Variants in CCDC9 observed in about 807,000 individuals in gnomAD.
CCDC9 encodes coiled-coil domain-containing protein 9.
CCDC9 carries 52 observed loss-of-function variants against 65.6 expected under a neutral mutation model. The observed-to-expected ratio is 0.79, with a 90% CI of 0.63 to 1.00. CCDC9 has a LOEUF of 1.00. CCDC9 is among the 50% of genes least tolerant of loss of function. The pLI is 0.00. For missense variants in CCDC9, 834 were observed against 757.2 expected (o/e 1.10, Z -1.19); for synonymous variants, 332 against 280.3 (o/e 1.18, Z -1.84).
chr19:47,273,530 C>T (rs2059137416), downstream of CCDC9: 2 of 479,368 alleles, frequency 4.2e-6, no homozygotes, highest in Non-Finnish European at 6.7e-6. Flanking sequence ...CTGTCCTCTG[C>T]TTCTGCCACA....
chr19:47,274,111 G>A, downstream of CCDC9: 1 of 442,906 alleles, frequency 2.3e-6, no homozygotes, highest in African/African-American at 2.1e-5. Flanking sequence ...TTGGCTCTAG[G>A]GAGAGGGAAA....
At chr19:47,257,675 C>G (rs931570788) in intron 1 of CCDC9, 1 of 153,532 alleles carries the variant, frequency 6.5e-6, no homozygotes, top group Non-Finnish European at 1.4e-5. Context: ...GGCCTGTGTA[C>G]AGAATCCTTT....
At position 47,258,371 on chromosome 19, in the gene CCDC9, C is replaced by A. The variant is rs1275799113; in HGVS notation, c.-30C>A. The A allele has an allele frequency of 6.2e-7, 1 of 1,613,588 alleles. No homozygotes were observed. On this transcript the variant is annotated 5_prime_UTR_variant, in exon 2 of 12. The change creates a new upstream start codon in the 5' untranslated region. Transcript: ENST00000221922. ...GTCTAGATTCTGCAGGGGAGGTTTG[C>A]TGGGACCTTGGCTCCACGCAGCCAG...
downstream of CCDC9, among the ~76,000 whole-genome samples, chr19:47,272,828 G>T (rs983976711): frequency 6.6e-5 from 10 of 152,112 alleles, no homozygotes; most frequent in Non-Finnish European, 4.4e-5. Flanking sequence ...GACGAAGTGC[G>T]AGCAAGAGGC....
intron 5 of CCDC9, among the ~76,000 whole-genome samples, chr19:47,262,596 C>T (rs957729674): frequency 3.3e-5 from 5 of 152,072 alleles, no homozygotes; most frequent in South Asian, 2.1e-4. Flanking sequence ...GACATGGTTG[C>T]GGTTCAGTTC....
downstream of CCDC9, chr19:47,273,596 G>T: frequency 2.5e-6 from 1 of 402,884 alleles, no homozygotes; most frequent in East Asian, 3.6e-5. Flanking sequence ...CTGCGAGCCG[G>T]GCGGGGCCAG....
At chr19:47,275,191 C>T, downstream of CCDC9, 14 of 1,485,542 alleles carry the variant, frequency 9.4e-6, no homozygotes, top group Non-Finnish European at 1.2e-5. Context: ...CCCGCCGCTG[C>T]CTCCCTCTCC....
intron 4 of CCDC9, 46 bp from the exon 5 acceptor site, chr19:47,260,542 C>A: frequency 6.4e-7 from 1 of 1,557,818 alleles, no homozygotes; most frequent in Non-Finnish European, 8.7e-7. Flanking sequence ...TGGCCGCATG[C>A]CTCCCTGCCC....
At chr19:47,259,429 G>C (rs994621238) in intron 3 of CCDC9, among the ~76,000 whole-genome samples, 1 of 152,132 alleles carries the variant, frequency 6.6e-6, no homozygotes, top group African/African-American at 2.4e-5. Context: ...GGAGCCCAGA[G>C]ACCAAGGAGG....
Position 47,270,537 on chromosome 19 carries a change from C to G in CCDC9, c.950-16C>G. The G allele has an allele frequency of 6.2e-7, 1 of 1,614,176 alleles. No homozygotes were observed. Among genetic ancestry groups the G allele is most frequent in the Middle Eastern group, 1.7e-4 (1 of 6,056 alleles). ...CCACACCTTCCCTTCCCAATGACACCTGGGTTCTGTTGCAGATGACCAGGC... is the reference window on the plus strand; with the variant it reads ...CCACACCTTCCCTTCCCAATGACACGTGGGTTCTGTTGCAGATGACCAGGC... On this transcript the variant is annotated splice_polypyrimidine_tract_variant and intron_variant, in intron 9 of 11. Coordinates refer to ENST00000221922, the MANE Select transcript of CCDC9 (RefSeq NM_015603.3).
Position 47,271,710 on chromosome 19 carries a change from TGTGTGTGTGTGTGTGTGTGTGTGCGCGC to T in CCDC9, c.*34_*61del, listed in dbSNP as rs1568642750. ...CTGCCTGTGTGTGTGTGTGTGTGTG[TGTGTGTGTGTGTGTGTGTGTGTGCGCGC>T]GCGCGCGCGCGCGCGCGCGCGCTAG... On this transcript the variant is annotated 3_prime_UTR_variant, in exon 12 of 12. Transcript: ENST00000221922. The T allele has an allele frequency of 1.7e-5, 23 of 1,365,746 alleles. No individual in the cohort carries two copies. The highest frequency in any genetic ancestry group is 2.7e-4 in the Middle Eastern group (1 of 3,762). The allele number at this position is 1,365,746 out of a possible 1,614,324, so 84.6% of individuals were successfully genotyped here.
chr19:47,260,577 C>T lies in CCDC9; in HGVS notation c.211-11C>T, dbSNP rs549483280. On this transcript the variant is annotated splice_polypyrimidine_tract_variant and intron_variant, in intron 4 of 11. Transcript: ENST00000221922. ...CCAGTGACTGTATTTTCCCCATCTC[C>T]CCTCTTCCAGGAGAAGAACCTGGGT... The T allele has an allele frequency of 5.9e-5, 91 of 1,533,644 alleles. No homozygotes were observed. The South Asian group carries it at 1.1e-3, about 18-fold the overall frequency.
chr19:47,274,822 G>A (rs2123496368), downstream of CCDC9: 1 of 862,920 alleles, frequency 1.2e-6, no homozygotes, highest in Non-Finnish European at 1.4e-6. Context: ...GCCGGAGGCG[G>A]GCGGTTTAGA....
At chr19:47,273,663 G>C (rs1395524029), downstream of CCDC9, 3 of 391,126 alleles carry the variant, frequency 7.7e-6, no homozygotes, top group Non-Finnish European at 1.4e-5. Flanking sequence ...TGGGACGGCT[G>C]GGACGCTTCC....
At chr19:47,272,010 C>G, downstream of CCDC9, 2 of 1,240,138 alleles carry the variant, frequency 1.6e-6, no homozygotes, top group Non-Finnish European at 2.0e-6. Context: ...GGCCTTCTCT[C>G]TTGGGGTGGG....
In CCDC9 at chr19:47,264,798, T is replaced by C. The variant is rs745359387; in HGVS notation, c.572T>C (p.Val191Ala). The change falls in exon 7 of 12, where the codon GTG becomes GCG. Residue 191 changes from valine (V) to alanine (A), a missense_variant. Val to Ala is a moderately conservative substitution (Grantham distance 64). Coordinates refer to ENST00000221922, the MANE Select transcript of CCDC9 (RefSeq NM_015603.3). ...QREGVLEPNP[V>A]RNFLDDPRRR... The stretch of plus-strand genomic sequence containing the variant: ...GAAGGGGTTCTTGAACCCAACCCAG[T>C]GCGGAACTTCCTGGACGACCCCCGG... The C allele has an allele frequency of 3.6e-5, 58 of 1,590,386 alleles. 1 individual carries two copies. In the Admixed American group the frequency reaches 3.8e-4, roughly 10 times the overall value.
downstream of CCDC9, chr19:47,273,651 A>ACTGGGACGG: frequency 2.5e-6 from 1 of 392,538 alleles, no homozygotes. Flanking sequence ...ACGTCACGGC[A>ACTGGGACGG]CTGGGACGGC....
downstream of CCDC9, chr19:47,274,969 C>A: frequency 7.0e-7 from 1 of 1,427,724 alleles, no homozygotes; most frequent in Non-Finnish European, 9.1e-7. Context: ...CCCGGAGGCG[C>A]GGGGCTGAGC....
downstream of CCDC9, chr19:47,275,421 C>T (rs763464335): frequency 4.7e-6 from 7 of 1,481,420 alleles, no homozygotes; most frequent in Non-Finnish European, 5.4e-6. Context: ...TGCACCGTCT[C>T]TGGATTGGTC....
Sources: gnomAD v4.1 joint callset for allele counts (sites outside exome capture counted in the v4.1 genomes callset) on GRCh38, gnomAD v4.1.1 for gene constraint, MANE v1.5 for transcripts, NCBI Gene and HGNC (gene_info 2026-07-23, HGNC 2026-07-21) for gene names.